ADAT2: variants seen among roughly 807,000 people sequenced by gnomAD.
The protein encoded by ADAT2 is adenosine deaminase tRNA specific 2, also known as tRNA-specific adenosine-34 deaminase catalytic subunit ADAT2.
ADAT2 carries 26 observed loss-of-function variants against 25.9 expected under a neutral mutation model. The observed-to-expected ratio is 1.00, with a 90% CI of 0.74 to 1.39. The LOEUF is 1.39. Among genes scored for constraint, ADAT2 ranks in the 40% most tolerant of loss-of-function variants. The probability of loss-of-function intolerance (pLI) is 0.00; values close to 1 mark genes in which losing one functional copy is unlikely to be tolerated. For missense variants in ADAT2, 220 were observed against 244.8 expected, an observed-to-expected ratio of 0.90 and a Z score of 0.68; for synonymous variants, 76 against 86.8, an observed-to-expected ratio of 0.88 and a Z score of 0.69.
At position 143,428,101 on chromosome 6, in the gene ADAT2, C is replaced by T. The variant is rs1329549674; in HGVS notation, c.*362G>A. ...TGTTCTCAGGGTGGCAAACTGCAGT[C>T]CAAACACACTCCAGGTCCCTGGGTC... On this transcript the variant is annotated 3_prime_UTR_variant, in exon 6 of 6. Coordinates refer to ENST00000237283, the MANE Select transcript of ADAT2 (RefSeq NM_182503.3). The surrounding 1 kb of genome is among the most constrained non-coding windows in gnomAD (Gnocchi z 5.0). 1 of 219,758 alleles carries T rather than the reference C, an allele frequency of 4.6e-6. No homozygotes were observed. The highest frequency in any genetic ancestry group is 9.1e-6 in the Non-Finnish European group (1 of 110,342). 13.6% of individuals were successfully genotyped at this position (219,758 alleles called of 1,614,324 possible).
rs751971321 is a variant in ADAT2, at chr6:143,438,582, T to G, written c.201+8A>C. 4 of 1,597,508 alleles carry G rather than the reference T, an allele frequency of 2.5e-6. No individual in the cohort carries two copies. Among genetic ancestry groups the G allele is most frequent in the Non-Finnish European group, 3.4e-6 (4 of 1,165,138 alleles). ...TATGTTTGCAATTATACTGCTCAACTCACATACATTTTTGGTTTGGTTAAC... is the reference window on the plus strand; with the variant it reads ...TATGTTTGCAATTATACTGCTCAACGCACATACATTTTTGGTTTGGTTAAC... On this transcript the variant is annotated splice_region_variant and intron_variant, in intron 2 of 5. Transcript: ENST00000237283.
In ADAT2 at chr6:143,438,627, A is replaced by G. The variant is rs1779364356; in HGVS notation, c.164T>C (p.Val55Ala). The change falls in exon 2 of 6, where the codon GTA becomes GCA. Residue 55 changes from valine to alanine, a missense_variant. Coordinates refer to ENST00000237283, the MANE Select transcript of ADAT2 (RefSeq NM_182503.3). ...GTTAACTTCATTTCTCCCCTTCCCT[A>G]CAACTTCATTGTTGTAGACCATAAG... ...GCLMVYNNEVVGKGRNEVNQT... is the reference protein window; with the variant it reads ...GCLMVYNNEVAGKGRNEVNQT... 1 of 1,613,422 alleles carries G rather than the reference A, an allele frequency of 6.2e-7. No individual in the cohort carries two copies. The highest frequency in any genetic ancestry group is 8.5e-7 in the Non-Finnish European group (1 of 1,179,470).
At position 143,436,598 on chromosome 6, in the gene ADAT2, C is replaced by T; in HGVS notation, c.201+1992G>A. 2.4e-6 allele frequency: 1 copy of T among 410,730 alleles called. No homozygotes were observed. Among genetic ancestry groups the T allele is most frequent in the South Asian group, 2.1e-5 (1 of 48,364 alleles). 25.4% of individuals were successfully genotyped at this position (410,730 alleles called of 1,614,324 possible). ...GAGGGCAAGAATGAGATGGAATTCA[C>T]TGGGGCCGAGAGCAACATGAATGAC... is the stretch of plus-strand genomic sequence containing the variant. On this transcript the variant is annotated intron_variant, in intron 2 of 5. Transcript: ENST00000237283. The surrounding 1 kb of genome is among the most constrained non-coding windows in gnomAD (Gnocchi z 4.1).
intron 1 of ADAT2, chr6:143,449,817 C>T (rs1040835255): frequency 6.6e-6 from 1 of 152,206 alleles, no homozygotes; most frequent in Non-Finnish European, 1.5e-5. Context: ...TTGTCTACCT[C>T]CATACCACCC....
chr6:143,449,241 G>A (rs796945287), intron 1 of ADAT2, among the ~76,000 whole-genome samples: 4 of 152,146 alleles, frequency 2.6e-5, no homozygotes, highest in East Asian at 1.9e-4. Flanking sequence ...TAGTAGTGAC[G>A]GGGTCTGGCT....
At chr6:143,438,557 T>C in intron 2 of ADAT2, 33 bp downstream of exon 2, 2 of 1,531,982 alleles carry the variant, frequency 1.3e-6, no homozygotes, top group Non-Finnish European at 1.8e-6. Context: ...ATCACTACTG[T>C]ATGTTTGCAA....
Position 143,432,551 on chromosome 6 carries a change from A to T in ADAT2, c.413T>A (p.Leu138Gln). Residue 138 changes from leucine to glutamine, a missense_variant, in exon 4 of 6, where the codon CTA becomes CAA. Transcript: ENST00000237283. The surrounding 1 kb of genome is among the most constrained non-coding windows in gnomAD (Gnocchi z 4.4). ...TGGTAGGTCAGCAGAGGCAATATTT[A>T]GAACAGAGCCACAACCACCAAATCG... ...NERFGGCGSV[L>Q]NIASADLPNT... 7 of 1,614,242 alleles carry T rather than the reference A, an allele frequency of 4.3e-6. No individual in the cohort carries two copies. The highest frequency in any genetic ancestry group is 5.9e-6 in the Non-Finnish European group (7 of 1,180,030).
rs6915676 is a variant in ADAT2, at chr6:143,425,049, A to G, written c.*3414T>C. Reference sequence around the variant, plus strand: ...ATATCCTGTGAGGAACTTAACATCAACCAGCACCTGAATCTAATCACAAGA... The same window carrying G: ...ATATCCTGTGAGGAACTTAACATCAGCCAGCACCTGAATCTAATCACAAGA... On this transcript the variant is annotated 3_prime_UTR_variant, in exon 6 of 6. Transcript: ENST00000237283. 6.6e-6 allele frequency: 1 copy of G among 152,138 alleles called. No homozygotes were observed. Among genetic ancestry groups the G allele is most frequent in the South Asian group, 2.1e-4 (1 of 4,816 alleles). 9.4% of individuals were successfully genotyped at this position (152,138 alleles called of 1,614,324 possible). A position where few individuals can be genotyped will look rare whatever the true frequency, so the allele number is the denominator to read the frequency against.
intron 1 of ADAT2, chr6:143,441,467 A>G (rs1441896979): frequency 1.3e-5 from 2 of 152,404 alleles, no homozygotes; most frequent in African/African-American, 4.8e-5. Context: ...GAAGTATGGT[A>G]TCAGCATCTG....
At chr6:143,438,951 G>A (rs12203548) in intron 1 of ADAT2, among the ~76,000 whole-genome samples, 10 of 152,136 alleles carry the variant, frequency 6.6e-5, no homozygotes, top group East Asian at 1.9e-4. Flanking sequence ...GGAAATAGAC[G>A]TGATCAAAGG....
At chr6:143,450,472 G>C (rs913553386) in intron 1 of ADAT2, 91 bp downstream of exon 1, 1 of 1,377,548 alleles carries the variant, frequency 7.3e-7, no homozygotes, top group Non-Finnish European at 1.0e-6. Context: ...AAATTATGGT[G>C]ACGAGAAAGA....
At chr6:143,447,779 C>T (rs1048426530) in intron 1 of ADAT2, among the ~76,000 whole-genome samples, 4 of 151,994 alleles carry the variant, frequency 2.6e-5, no homozygotes, top group Admixed American at 6.5e-5. Flanking sequence ...GGGTGTTCTA[C>T]GCTTTTACAC....
rs1241678385 is a variant in ADAT2 at position 143,440,218 on chromosome 6, G to C, written c.97-1524C>G. The stretch of plus-strand genomic sequence containing the variant: ...ACTGTGGCAGCCCTGAAGAGACTTT[G>C]GAAGACTTGATTCTCACTTAAGTGC... On this transcript the variant is annotated intron_variant, in intron 1 of 5. Coordinates refer to ENST00000237283, the MANE Select transcript of ADAT2 (RefSeq NM_182503.3). The surrounding 1 kb of genome is among the most constrained non-coding windows in gnomAD (Gnocchi z 4.5). Among the ~76,000 whole-genome samples, 2 of 152,132 alleles carry C rather than the reference G, an allele frequency of 1.3e-5. No homozygotes were observed. The highest frequency in any genetic ancestry group is 4.8e-5 in the African/African-American group (2 of 41,416).
At position 143,427,317 on chromosome 6, in the gene ADAT2, A is replaced by C. The variant is rs1187540553; in HGVS notation, c.*1146T>G. On this transcript the variant is annotated 3_prime_UTR_variant, in exon 6 of 6. Coordinates refer to ENST00000237283, the MANE Select transcript of ADAT2 (RefSeq NM_182503.3). The stretch of plus-strand genomic sequence containing the variant: ...ACAGATGCTTTGCATCAAGGAAATG[A>C]ATCTACTGAAGAAATGCAACTGAGG... 1 of 152,666 alleles carries C rather than the reference A, an allele frequency of 6.6e-6. No homozygotes were observed. The highest frequency in any genetic ancestry group is 1.5e-5 in the Non-Finnish European group (1 of 68,052). The allele number at this position is 152,666 out of a possible 1,614,324, so 9.5% of individuals were successfully genotyped here.
At chr6:143,435,941 T>C (rs1779261180) in intron 2 of ADAT2, among the ~76,000 whole-genome samples, 1 of 152,188 alleles carries the variant, frequency 6.6e-6, no homozygotes, top group South Asian at 2.1e-4. Context: ...AAATGTTAAT[T>C]CTATATGGGA....
At chr6:143,450,521 G>A (rs1244710977) in intron 1 of ADAT2, 42 bp downstream of exon 1, 1 of 1,600,444 alleles carries the variant, frequency 6.2e-7, no homozygotes, top group Non-Finnish European at 8.6e-7. Context: ...GAGGGCTGGA[G>A]AAAGGTCCCA....
Position 143,440,703 on chromosome 6 carries a change from A to G in ADAT2, c.97-2009T>C, listed in dbSNP as rs963984981. Among the ~76,000 whole-genome samples the G allele has an allele frequency of 4.3e-4, 65 of 152,358 alleles. No homozygotes were observed. The highest frequency in any genetic ancestry group is 1.4e-3 in the African/African-American group (57 of 41,588). On this transcript the variant is annotated intron_variant, in intron 1 of 5. Coordinates refer to ENST00000237283, the MANE Select transcript of ADAT2 (RefSeq NM_182503.3). This position sits in a 1 kb window ranked among gnomAD's most constrained non-coding sequence, Gnocchi z 4.5. ...TTTGGTTAATATAGACAAATGCACC[A>G]TAGGCTACTATAGAGAAGAAAGCCA...
In ADAT2 at chr6:143,427,999, G is replaced by A; in HGVS notation, c.*464C>T. ...ATATACAATTTAGAGAGAAGTCACA[G>A]CCCCCAGTGCCCTGGAAGAACATCG... On this transcript the variant is annotated 3_prime_UTR_variant, in exon 6 of 6. Transcript: ENST00000237283. The A allele has an allele frequency of 6.1e-6, 1 of 162,868 alleles. No homozygotes were observed. Among genetic ancestry groups the A allele is most frequent in the Non-Finnish European group, 1.4e-5 (1 of 73,764 alleles). The allele number at this position is 162,868 out of a possible 1,614,324, so 10.1% of individuals were successfully genotyped here.
At chr6:143,429,626 G>T (rs12196227) in intron 4 of ADAT2, among the ~76,000 whole-genome samples, 30,838 of 152,000 alleles carry the variant, frequency 0.2, 3,281 homozygotes, top group Non-Finnish European at 0.21. Flanking sequence ...GGAAGCATAA[G>T]GAAAGAAAGA....
Sources: gnomAD v4.1 joint callset for allele counts (sites outside exome capture counted in the v4.1 genomes callset) on GRCh38, gnomAD v4.1.1 for gene constraint, Gnocchi (gnomAD v3.1) non-coding constraint, MANE v1.5 for transcripts, NCBI Gene and HGNC (gene_info 2026-07-23, HGNC 2026-07-21) for gene names.